ARHGAP22: variants seen among roughly 807,000 people sequenced by gnomAD.
ARHGAP22 encodes the protein Rho GTPase activating protein 22, also known as rho GTPase-activating protein 22.
In ARHGAP22, 48 loss-of-function variants were observed where a neutral mutation model predicts 59.1. That is an observed-to-expected ratio of 0.81 (90% confidence interval 0.64 to 1.03). The LOEUF (loss-of-function observed/expected upper bound fraction) is 1.03. ARHGAP22 is among the 50% of genes least tolerant of loss of function. ARHGAP22 has a pLI of 0.00. For synonymous variants in ARHGAP22, 445 were observed against 416.4 expected, an observed-to-expected ratio of 1.07 and a Z score of -0.84; for missense variants, 1,015 against 958.7, an observed-to-expected ratio of 1.06 and a Z score of -0.78.
chr10:48,655,909 C>T (rs1365539477), upstream of ARHGAP22: 1 of 152,422 alleles, frequency 6.6e-6, no homozygotes, highest in African/African-American at 2.4e-5. Flanking sequence ...GAGGTGGCGA[C>T]GAAAACCCGT....
At chr10:48,655,262 GGGGGGGGGGC>G (rs2062772096), upstream of ARHGAP22, among the ~76,000 whole-genome samples, 4 of 140,014 alleles carry the variant, frequency 2.9e-5, no homozygotes, top group African/African-American at 1.1e-4. Context: ...TGTGTGGGGG[GGGGGGGGGGC>G]GGGGGACGCT....
chr10:48,516,754 C>T lies in ARHGAP22; in HGVS notation c.323-36990G>A, dbSNP rs112099050. On this transcript the variant is annotated intron_variant, in intron 3 of 9. Transcript: ENST00000249601. ...ATAGTTCTCAATTCTTCCTATGGAG[C>T]CAATAGTCCTCCGATATCAAAAACC... Among the ~76,000 whole-genome samples, 763 of 152,220 alleles carry T rather than the reference C, an allele frequency of 5.0e-3. 2 individuals carry two copies. Among genetic ancestry groups the T allele is most frequent in the African/African-American group, 0.017 (725 of 41,540 alleles).
intron 1 of ARHGAP22, chr10:48,652,147 A>G: frequency 1.5e-6 from 2 of 1,294,550 alleles, no homozygotes; most frequent in South Asian, 2.5e-5. Flanking sequence ...CACAAGACCA[A>G]GACAGCCTCC....
intron 1 of ARHGAP22, among the ~76,000 whole-genome samples, chr10:48,591,678 A>C (rs207470865): frequency 6.6e-6 from 1 of 152,132 alleles, no homozygotes; most frequent in Non-Finnish European, 1.5e-5. Context: ...AAAAACGTGC[A>C]TCCTGGGCAA....
At chr10:48,480,176 C>T (rs554790972) in intron 3 of ARHGAP22, among the ~76,000 whole-genome samples, 2 of 152,140 alleles carry the variant, frequency 1.3e-5, no homozygotes, top group East Asian at 1.9e-4. Flanking sequence ...AACTTTGGCT[C>T]GGAGATTAGG....
the ARHGAP22 span, chr10:48,436,403 C>G: frequency 2.0e-5 from 3 of 152,140 alleles, no homozygotes; most frequent in African/African-American, 7.2e-5. Flanking sequence ...TGAACTTTTC[C>G]TAAGTAAAAT....
chr10:48,538,700 A>G (rs972365537), intron 3 of ARHGAP22, among the ~76,000 whole-genome samples: 3 of 152,246 alleles, frequency 2.0e-5, no homozygotes, highest in Admixed American at 6.5e-5. Context: ...GATCCAGTAA[A>G]GGAAAGCTTG....
chr10:48,610,769 TG>T (rs1177611373), intron 1 of ARHGAP22, among the ~76,000 whole-genome samples: 1 of 152,166 alleles, frequency 6.6e-6, no homozygotes, highest in African/African-American at 2.4e-5. Context: ...TGGAGGGGTC[TG>T]GGTTTGGGCA....
At position 48,577,794 on chromosome 10, in the gene ARHGAP22, T is replaced by TTTTACTGCTC. The variant is rs1321723837; in HGVS notation, c.234+5158_234+5159insGAGCAGTAAA. Among the ~76,000 whole-genome samples, 26 of 137,148 alleles carry TTTTACTGCTC rather than the reference T, an allele frequency of 1.9e-4. 1 individual carries two copies. The highest frequency in any genetic ancestry group is 7.4e-4 in the African/African-American group (26 of 34,972). The allele number at this position is 137,148 out of a possible 152,430, so 90.0% of individuals were successfully genotyped here. On this transcript the variant is annotated intron_variant, in intron 2 of 9. Transcript: ENST00000249601. ...CAGAAAATCTGAGATCTAACTGCTC[T>TTTTACTGCTC]TTTTTGGTTTTTTTTTTTTTTTTTT...
chr10:48,487,118 G>T (rs1465193615), intron 3 of ARHGAP22, among the ~76,000 whole-genome samples: 1 of 152,098 alleles, frequency 6.6e-6, no homozygotes, highest in Non-Finnish European at 1.5e-5. Context: ...ATATTTTGGC[G>T]ATTGGTACTT....
intron 4 of ARHGAP22, among the ~76,000 whole-genome samples, chr10:48,469,014 G>T (rs992703205): frequency 6.6e-6 from 1 of 152,208 alleles, no homozygotes; most frequent in Non-Finnish European, 1.5e-5. Context: ...AAGAGCAGGG[G>T]CCAAGGGCTC....
At chr10:48,472,067 T>G (rs1485531964) in intron 4 of ARHGAP22, among the ~76,000 whole-genome samples, 2 of 151,264 alleles carry the variant, frequency 1.3e-5, no homozygotes, top group Non-Finnish European at 2.9e-5. Context: ...ATTCACTGGG[T>G]GCGGTGGCGG....
intron 1 of ARHGAP22, among the ~76,000 whole-genome samples, chr10:48,598,489 C>G (rs928281855): frequency 6.6e-6 from 1 of 152,118 alleles, no homozygotes; most frequent in Admixed American, 6.5e-5. Flanking sequence ...TGTCTGGAAG[C>G]AGAGGAACCC....
At chr10:48,609,717 A>G (rs2060807310), upstream of ARHGAP22, among the ~76,000 whole-genome samples, 2 of 152,086 alleles carry the variant, frequency 1.3e-5, no homozygotes, top group Admixed American at 1.3e-4. Context: ...TCAGTGCTGT[A>G]TGGAGTTCGG....
At position 48,604,772 on chromosome 10, in the gene ARHGAP22, C is replaced by A. The variant is rs1315681340; in HGVS notation, c.25G>T (p.Ala9Ser). ...AGAAAGTTGGACTTACCCCTCCTGGCCTGCCTGATCTTTGGGCTCAGCATG... is the reference window on the plus strand; with the variant it reads ...AGAAAGTTGGACTTACCCCTCCTGGACTGCCTGATCTTTGGGCTCAGCATG... MLSPKIRQ[A>S]RRARSKSLVM... The change falls in exon 1 of 10, where the codon GCC becomes TCC. Residue 9 changes from alanine to serine, a missense_variant. Physicochemically the swap from Ala to Ser is moderately conservative, Grantham distance 99. Transcript: ENST00000249601. 1.2e-6 allele frequency: 2 copies of A among 1,614,128 alleles called. No individual in the cohort carries two copies. Among genetic ancestry groups the A allele is most frequent in the East Asian group, 2.2e-5 (1 of 44,890 alleles).
intron 8 of ARHGAP22, 59 bp from the exon 9 acceptor site, chr10:48,451,199 C>G (rs1319514544): frequency 1.3e-6 from 2 of 1,548,236 alleles, no homozygotes; most frequent in Admixed American, 3.9e-5. Context: ...CAGGCTCGCT[C>G]TGCCAGTCAT....
At chr10:48,563,304 C>T (rs1361453668) in intron 2 of ARHGAP22, among the ~76,000 whole-genome samples, 4 of 148,506 alleles carry the variant, frequency 2.7e-5, no homozygotes, top group Non-Finnish European at 5.9e-5. Flanking sequence ...TGCCATTCGC[C>T]TGCCTCAGCC....
chr10:48,450,971 G>T lies in ARHGAP22; in HGVS notation c.1158C>A (p.Pro386=), dbSNP rs1251527076. Residue 386 remains proline (P), a synonymous_variant, in exon 9 of 10, where the codon CCC becomes CCA. Coordinates refer to ENST00000249601, the MANE Select transcript of ARHGAP22 (RefSeq NM_021226.4). ...AAGAGGTCCTGTGCGCGGGCAGGCC[G>T]GGGCCGCCGGGCTCTCCTTGGCTGT... ...TRDSQGEPGG[P]GLPAHRTSSL... 6.4e-7 allele frequency: 1 copy of T among 1,565,500 alleles called. No homozygotes were observed. Among genetic ancestry groups the T allele is most frequent in the East Asian group, 2.4e-5 (1 of 41,772 alleles).
At chr10:48,498,538 C>T (rs11101343) in intron 3 of ARHGAP22, among the ~76,000 whole-genome samples, 38,443 of 152,094 alleles carry the variant, frequency 0.25, 5,108 homozygotes, top group South Asian at 0.36. Flanking sequence ...GCAGTGGCCC[C>T]GCTGCAGCCT....
Sources: allele counts gnomAD v4.1 joint callset (sites outside exome capture counted in the v4.1 genomes callset), GRCh38; gene constraint gnomAD v4.1.1; transcripts MANE v1.5; gene names NCBI Gene and HGNC (gene_info 2026-07-23, HGNC 2026-07-21).